The following TDP1 variants were observed in gnomAD, a reference collection of about 807,000 sequenced individuals.
The protein encoded by TDP1 is tyrosyl-DNA phosphodiesterase 1.
A neutral mutation model predicts 81.5 loss-of-function variants in TDP1; 64 were observed. That is an observed-to-expected ratio of 0.79 (90% CI 0.64 to 0.97). TDP1 has a LOEUF of 0.97. Among genes scored for constraint, TDP1 ranks in the 50% least tolerant of loss-of-function variants. TDP1 has a pLI of 0.00. For synonymous variants in TDP1, 256 were observed against 264.3 expected (o/e 0.97, Z 0.30); for missense variants, 723 against 743.8 (o/e 0.97, Z 0.33).
At chr14:89,990,233 G>A (rs1172652507) in intron 12 of TDP1, among the ~76,000 whole-genome samples, 3 of 152,074 alleles carry the variant, frequency 2.0e-5, no homozygotes, top group African/African-American at 7.3e-5. Flanking sequence ...TGTCTATTCT[G>A]TCAAGGGTGT....
chr14:89,975,577 TTG>T, intron 6 of TDP1: 28 of 764,518 alleles, frequency 3.7e-5, no homozygotes, highest in South Asian at 5.9e-5. Context: ...GTAACAAAAT[TTG>T]TGTTTTTTTT....
At chr14:90,019,219 A>G in intron 14 of TDP1, 97 bp from the exon 15 acceptor site, 1 of 1,302,134 alleles carries the variant, frequency 7.7e-7, no homozygotes, top group Non-Finnish European at 1.1e-6. Context: ...GATTGCAGCT[A>G]TATATTTTTT....
At chr14:89,990,549 T>C (rs1428793361) in intron 12 of TDP1, among the ~76,000 whole-genome samples, 5 of 106,932 alleles carry the variant, frequency 4.7e-5, no homozygotes, top group African/African-American at 3.4e-4. Context: ...TATTAGCCCT[T>C]TTTTTTTTTT....
At chr14:89,964,121 T>C (rs1276421304) in intron 3 of TDP1, among the ~76,000 whole-genome samples, 1 of 152,194 alleles carries the variant, frequency 6.6e-6, no homozygotes, top group East Asian at 1.9e-4. Flanking sequence ...GCAGTCTGTG[T>C]TTTCACGAGC....
At chr14:90,008,546 A>G (rs1478919607) in intron 14 of TDP1, among the ~76,000 whole-genome samples, 2 of 152,232 alleles carry the variant, frequency 1.3e-5, no homozygotes, top group Non-Finnish European at 2.9e-5. Flanking sequence ...TTAAGTAAGT[A>G]TAGTAATAGA....
intron 15 of TDP1, chr14:90,022,894 G>A: frequency 1.2e-6 from 1 of 826,588 alleles, no homozygotes; most frequent in Non-Finnish European, 1.9e-6. Flanking sequence ...TGAAGGAGAG[G>A]CTGTCCAACG....
At chr14:90,020,326 G>A (rs995866516) in intron 15 of TDP1, among the ~76,000 whole-genome samples, 1 of 148,080 alleles carries the variant, frequency 6.8e-6, no homozygotes, top group South Asian at 2.1e-4. Context: ...CAATGAGATG[G>A]CTAATGCTTT....
At position 90,032,732 on chromosome 14, in the gene TDP1, A is replaced by G. The variant is rs1887423709; in HGVS notation, c.1645-374A>G. 6 of 985,096 alleles carry G rather than the reference A, an allele frequency of 6.1e-6. No homozygotes were observed. In the South Asian group the frequency reaches 2.4e-4, roughly 39 times the overall value. The allele number at this position is 985,096 out of a possible 1,614,324, so 61.0% of individuals were successfully genotyped here. ...CTCCAGGCAGCCTGTTACTATAGCA[A>G]TGTTGGAAGTATTTTGAGGTATTTT... On this transcript the variant is annotated intron_variant, in intron 15 of 16. Coordinates refer to ENST00000335725, the MANE Select transcript of TDP1 (RefSeq NM_018319.4).
At position 90,017,644 on chromosome 14, in the gene TDP1, T is replaced by A. The variant is rs191197740; in HGVS notation, c.1542-1672T>A. Among the ~76,000 whole-genome samples the A allele has an allele frequency of 1.1e-4, 16 of 152,244 alleles. No individual in the cohort carries two copies. The East Asian group carries it at 2.3e-3, about 22-fold the overall frequency. On this transcript the variant is annotated intron_variant, in intron 14 of 16. Coordinates refer to ENST00000335725, the MANE Select transcript of TDP1 (RefSeq NM_018319.4). ...GTCTTTGTTGTCATGATACTGATAG[T>A]CAAGAGTTGGCCAGAAAGCGATCAT...
intron 16 of TDP1, among the ~76,000 whole-genome samples, chr14:90,035,381 T>G (rs1296168682): frequency 6.6e-6 from 1 of 152,106 alleles, no homozygotes. Context: ...TGTGTATTCA[T>G]GCATATTTCG....
chr14:89,996,340 G>A (rs147828027), intron 14 of TDP1, among the ~76,000 whole-genome samples: 1 of 152,304 alleles, frequency 6.6e-6, no homozygotes, highest in Non-Finnish European at 1.5e-5. Context: ...GGAGCCTTGA[G>A]AAGAAGCCAG....
rs973966557 is a variant in TDP1 at position 90,043,446 on chromosome 14, T to C, written c.*303T>C. 4.2e-6 allele frequency: 2 copies of C among 477,778 alleles called. No individual in the cohort carries two copies. The highest frequency in any genetic ancestry group is 3.9e-5 in the African/African-American group (2 of 51,434). 29.6% of individuals were successfully genotyped at this position (477,778 alleles called of 1,614,324 possible). A position where few individuals can be genotyped will look rare whatever the true frequency, so the allele number is the denominator to read the frequency against. On this transcript the variant is annotated 3_prime_UTR_variant, in exon 17 of 17. Coordinates refer to ENST00000335725, the MANE Select transcript of TDP1 (RefSeq NM_018319.4). ...TGAAATGCTTGGGACCAGAAGTGTT[T>C]CAGCTTTTGGATTTTTTTGAATTTT...
At chr14:90,025,498 C>G (rs1886546518) in intron 15 of TDP1, among the ~76,000 whole-genome samples, 1 of 152,136 alleles carries the variant, frequency 6.6e-6, no homozygotes, top group African/African-American at 2.4e-5. Flanking sequence ...AGAACACTTT[C>G]AAGAGCTTTG....
intron 15 of TDP1, among the ~76,000 whole-genome samples, chr14:90,025,228 G>A (rs992889942): frequency 1.3e-5 from 2 of 152,256 alleles, no homozygotes; most frequent in Admixed American, 1.3e-4. Context: ...CCATGATTAG[G>A]ACCTGTCACT....
At chr14:90,000,374 C>A (rs946562893) in intron 14 of TDP1, among the ~76,000 whole-genome samples, 1 of 152,176 alleles carries the variant, frequency 6.6e-6, no homozygotes, top group Non-Finnish European at 1.5e-5. Context: ...CAGGGGCCAT[C>A]TTTCGATTCT....
chr14:89,990,346 C>T (rs1013237743), intron 12 of TDP1, among the ~76,000 whole-genome samples: 1 of 152,056 alleles, frequency 6.6e-6, no homozygotes, highest in Non-Finnish European at 1.5e-5. Context: ...TCAGCAGCCC[C>T]GCTAGTTAGT....
rs781191265 is a variant in TDP1, at chr14:89,984,609, C to T, written c.978C>T (p.Tyr326=). ...PTHFKADLIS[Y]LMAYNAPSLK... Reference sequence around the variant, plus strand: ...ATTTTAAAGCTGATCTCATCAGTTACTTGATGGCTTATAATGCCCCTTCTC... The same window carrying T: ...ATTTTAAAGCTGATCTCATCAGTTATTTGATGGCTTATAATGCCCCTTCTC... Residue 326 remains tyrosine, a synonymous_variant, in exon 9 of 17, where the codon TAC becomes TAT. Coordinates refer to ENST00000335725, the MANE Select transcript of TDP1 (RefSeq NM_018319.4). 5 of 1,613,974 alleles carry T rather than the reference C, an allele frequency of 3.1e-6. No homozygotes were observed. In the South Asian group the frequency reaches 4.4e-5, roughly 14 times the overall value.
chr14:89,992,025 ATTAGAGTGTTAT>A (rs1408101250), intron 13 of TDP1, 42 bp downstream of exon 13: 1 of 1,537,190 alleles, frequency 6.5e-7, no homozygotes, highest in African/African-American at 1.4e-5. Flanking sequence ...TTCTTTAGGA[ATTAGAGTGTTAT>A]TTATGTCACT....
intron 16 of TDP1, chr14:90,042,755 C>T (rs918967733): frequency 2.1e-5 from 8 of 386,542 alleles, no homozygotes; most frequent in Non-Finnish European, 2.5e-5. Context: ...GGGAAAGACC[C>T]GCCCCCATGA....
Sources: allele counts gnomAD v4.1 joint callset (sites outside exome capture counted in the v4.1 genomes callset), GRCh38; gene constraint gnomAD v4.1.1; transcripts MANE v1.5; gene names NCBI Gene and HGNC (gene_info 2026-07-23, HGNC 2026-07-21).